Variants in PPFIA1 observed in about 807,000 individuals in gnomAD.
PPFIA1 encodes the protein PPFI scaffold protein A1.
In PPFIA1, 25 loss-of-function variants were observed where a neutral mutation model predicts 149.9. The observed-to-expected ratio is 0.17, with a 90% confidence interval of 0.12 to 0.23. PPFIA1 has a LOEUF of 0.23. Ranked by LOEUF, PPFIA1 falls within the 10% of genes least tolerant of loss-of-function variation. The probability of loss-of-function intolerance (pLI) is 1.00; values close to 1 mark genes in which losing one functional copy is unlikely to be tolerated. For missense variants in PPFIA1, 1,362 were observed against 1,506.5 expected (o/e 0.90, Z 1.59); for synonymous variants, 549 against 552.8 (o/e 0.99, Z 0.10).
intron 2 of PPFIA1, chr11:70,321,444 C>T (rs1422645251): frequency 6.6e-6 from 1 of 152,202 alleles, no homozygotes; most frequent in Non-Finnish European, 1.5e-5. Flanking sequence ...TACACATCCT[C>T]ACAGAGCTGA....
chr11:70,382,433 G>A (rs2057747031), intron 27 of PPFIA1, among the ~76,000 whole-genome samples: 1 of 152,104 alleles, frequency 6.6e-6, no homozygotes, highest in Non-Finnish European at 1.5e-5. Flanking sequence ...TTAATTGTCT[G>A]TGGATGTCAT....
intron 21 of PPFIA1, among the ~76,000 whole-genome samples, chr11:70,366,829 C>T (rs913507838): frequency 6.6e-6 from 1 of 152,118 alleles, no homozygotes; most frequent in Non-Finnish European, 1.5e-5. Flanking sequence ...ATTAGACTGT[C>T]CCCCCACCTT....
chr11:70,354,575 GA>G, intron 17 of PPFIA1, 123 bp downstream of exon 17: 1 of 1,113,700 alleles, frequency 9.0e-7, no homozygotes, highest in Non-Finnish European at 1.2e-6. Flanking sequence ...TAATTCAGTT[GA>G]GTGTATTTAC....
intron 2 of PPFIA1, among the ~76,000 whole-genome samples, chr11:70,276,782 A>T (rs1409488848): frequency 6.6e-6 from 1 of 152,050 alleles, no homozygotes; most frequent in Non-Finnish European, 1.5e-5. Context: ...CAGGCCACCC[A>T]GACTTTCCAA....
chr11:70,350,433 G>A (rs1018088108), intron 16 of PPFIA1, among the ~76,000 whole-genome samples: 6 of 152,166 alleles, frequency 3.9e-5, no homozygotes, highest in Admixed American at 6.5e-5. Context: ...TAGGATGGAT[G>A]TAAAGATTCT....
At chr11:70,271,949 C>G in intron 1 of PPFIA1, 1 of 546,350 alleles carries the variant, frequency 1.8e-6, no homozygotes, top group Non-Finnish European at 3.2e-6. Flanking sequence ...GGATCTTGAC[C>G]CCTTCCCTGG....
At chr11:70,311,164 C>A (rs774167577) in intron 2 of PPFIA1, among the ~76,000 whole-genome samples, 1 of 152,048 alleles carries the variant, frequency 6.6e-6, no homozygotes, top group Admixed American at 6.6e-5. Context: ...ACAAAATTAG[C>A]CAGGCGTGGT....
At chr11:70,351,867 C>T (rs1421075043) in intron 16 of PPFIA1, among the ~76,000 whole-genome samples, 2 of 152,226 alleles carry the variant, frequency 1.3e-5, no homozygotes, top group African/African-American at 2.4e-5. Context: ...TCCCTGGCAG[C>T]GTTCCTACAG....
In PPFIA1 at chr11:70,348,288, A is replaced by C; in HGVS notation, c.2031A>C (p.Ser677=). ...GSLDNLGRFR[S]MSSIPPYPAS... is the part of the protein sequence containing the mutation. The stretch of plus-strand genomic sequence containing the variant: ...TAGACAATCTTGGTCGTTTTAGATC[A>C]ATGAGCTCCATTCCCCCCTACCCTG... Residue 677 remains serine (S), a synonymous_variant, in exon 16 of 28, where the codon TCA becomes TCC. Coordinates refer to ENST00000253925, the MANE Select transcript of PPFIA1 (RefSeq NM_003626.5). The C allele has an allele frequency of 6.2e-7, 1 of 1,614,186 alleles. No homozygotes were observed. The highest frequency in any genetic ancestry group is 8.5e-7 in the Non-Finnish European group (1 of 1,180,014).
chr11:70,379,471 AT>A (rs11379174), intron 26 of PPFIA1, among the ~76,000 whole-genome samples: 2 of 150,586 alleles, frequency 1.3e-5, no homozygotes, highest in Admixed American at 6.6e-5. Context: ...AAAAAAAAAA[AT>A]TTTTTTTTAA....
chr11:70,361,389 C>G (rs558174884), intron 19 of PPFIA1, among the ~76,000 whole-genome samples: 1 of 152,018 alleles, frequency 6.6e-6, no homozygotes, highest in Non-Finnish European at 1.5e-5. Flanking sequence ...CAATACCCAA[C>G]GGAATGTAAG....
intron 2 of PPFIA1, among the ~76,000 whole-genome samples, chr11:70,296,003 G>A (rs1225983575): frequency 6.6e-6 from 1 of 151,848 alleles, no homozygotes; most frequent in African/African-American, 2.4e-5. Flanking sequence ...CCTCCCAGAC[G>A]GGGTCGCGAC....
At chr11:70,344,927 G>A (rs2055593276) in intron 15 of PPFIA1, among the ~76,000 whole-genome samples, 1 of 152,236 alleles carries the variant, frequency 6.6e-6, no homozygotes, top group Non-Finnish European at 1.5e-5. Context: ...GAGCAGGACA[G>A]TCCCGGCTCA....
intron 14 of PPFIA1, among the ~76,000 whole-genome samples, chr11:70,342,521 G>A (rs865976509): frequency 3.3e-5 from 5 of 152,190 alleles, no homozygotes; most frequent in South Asian, 2.1e-4. Context: ...TGCCCATGCC[G>A]CATACACTGC....
intron 19 of PPFIA1, among the ~76,000 whole-genome samples, chr11:70,359,803 C>G (rs1304616292): frequency 6.6e-6 from 1 of 152,222 alleles, no homozygotes; most frequent in East Asian, 1.9e-4. Context: ...AGTGAAAGAG[C>G]CAAGTCTGAG....
intron 12 of PPFIA1, 29 bp from the exon 13 acceptor site, chr11:70,338,345 A>C: frequency 6.5e-7 from 1 of 1,543,870 alleles, no homozygotes. Flanking sequence ...AAGAGATAGC[A>C]GTAATGTAAG....
At chr11:70,377,903 A>T in intron 25 of PPFIA1, 127 bp from the exon 26 acceptor site, 1 of 766,952 alleles carries the variant, frequency 1.3e-6, no homozygotes, top group South Asian at 1.9e-5. Context: ...GTCATCAAGA[A>T]GGGATTAAAT....
chr11:70,324,773 G>A, intron 3 of PPFIA1, 74 bp from the exon 4 acceptor site: 4 of 1,365,368 alleles, frequency 2.9e-6, no homozygotes, highest in Admixed American at 2.4e-5. Flanking sequence ...CTGTAAAGGA[G>A]TTATTTGCCC....
intron 24 of PPFIA1, 103 bp downstream of exon 24, chr11:70,375,196 A>AC (rs1056209119): frequency 1.4e-5 from 6 of 419,828 alleles, no homozygotes; most frequent in Non-Finnish European, 6.7e-6. Context: ...AAAAAAAAAA[A>AC]AAAAAACTTC....
Sources: gnomAD v4.1 joint callset for allele counts (sites outside exome capture counted in the v4.1 genomes callset) on GRCh38, gnomAD v4.1.1 for gene constraint, MANE v1.5 for transcripts, NCBI Gene and HGNC (gene_info 2026-07-23, HGNC 2026-07-21) for gene names.